Variants in C6 observed in about 807,000 individuals in gnomAD.
C6 encodes complement component C6.
Under a neutral mutation model 112.9 loss-of-function variants are expected in C6, and 101 were observed. The observed-to-expected ratio is 0.89, with a 90% CI of 0.76 to 1.06. The LOEUF is 1.06. C6 is among the 50% of genes least tolerant of loss of function. The probability of loss-of-function intolerance (pLI) is 0.00; values close to 1 mark genes in which losing one functional copy is unlikely to be tolerated. For missense variants in C6, 1,202 were observed against 1,104.6 expected (o/e 1.09, Z -1.25); for synonymous variants, 431 against 384.1 (o/e 1.12, Z -1.43).
At chr5:41,163,834 T>A (rs1747752719) in intron 9 of C6, among the ~76,000 whole-genome samples, 1 of 152,216 alleles carries the variant, frequency 6.6e-6, no homozygotes, top group Non-Finnish European at 1.5e-5. Flanking sequence ...TTGAGAAGTC[T>A]GAAGTCCAAT....
chr5:41,225,264 G>C (rs535605640), intron 1 of C6, among the ~76,000 whole-genome samples: 2 of 151,670 alleles, frequency 1.3e-5, no homozygotes, highest in East Asian at 3.9e-4. Context: ...CCCTTCCTGT[G>C]TCCATGTGTT....
At chr5:41,179,004 C>G (rs1561133897) in intron 7 of C6, among the ~76,000 whole-genome samples, 3 of 152,148 alleles carry the variant, frequency 2.0e-5, no homozygotes, top group South Asian at 2.1e-4. Context: ...CAGGCGCACA[C>G]TGCCACGCCC....
rs1399455008 is a variant in C6 at position 41,241,565 on chromosome 5, C to A, written c.-21+19629G>T. ...GACCACAAGCAGCATGGTTGGAGAA[C>A]AAGAAAGCAGCAATGTTGGAGGAAG... On this transcript the variant is annotated intron_variant, in intron 1 of 17. Transcript: ENST00000263413. Among the ~76,000 whole-genome samples, 2 of 152,050 alleles carry A rather than the reference C, an allele frequency of 1.3e-5. 1 individual carries two copies. The highest frequency in any genetic ancestry group is 3.9e-4 in the East Asian group (2 of 5,176).
At chr5:41,248,247 C>A (rs1741139734) in intron 1 of C6, among the ~76,000 whole-genome samples, 1 of 152,206 alleles carries the variant, frequency 6.6e-6, no homozygotes, top group Admixed American at 6.5e-5. Context: ...AAATACCATT[C>A]TGGACCTCAG....
At chr5:41,158,915 A>G in intron 12 of C6, 130 bp from the exon 13 acceptor site, 8 of 1,061,828 alleles carry the variant, frequency 7.5e-6, no homozygotes, top group Non-Finnish European at 1.2e-5. Flanking sequence ...CATTACACAC[A>G]GAAAAAGGCA....
chr5:41,211,168 A>G (rs1751891171), intron 1 of C6, among the ~76,000 whole-genome samples: 1 of 152,102 alleles, frequency 6.6e-6, no homozygotes, highest in Non-Finnish European at 1.5e-5. Flanking sequence ...GTTCTCACTT[A>G]TAGGTGGGAA....
intron 1 of C6, among the ~76,000 whole-genome samples, chr5:41,238,995 A>G (rs1424852549): frequency 6.6e-6 from 1 of 152,110 alleles, no homozygotes; most frequent in Non-Finnish European, 1.5e-5. Flanking sequence ...TAATGTTTGT[A>G]CATACTTATG....
In C6 at chr5:41,178,442, A is replaced by G. The variant is rs570886721; in HGVS notation, c.928-1727T>C. ...GAAGACTAAGAGAGGCTTCAGTAGT[A>G]TTTTCTTTTTTCTTTTTCTTTTTCT... On this transcript the variant is annotated intron_variant, in intron 7 of 17. Transcript: ENST00000337836. Among the ~76,000 whole-genome samples, 143 of 120,656 alleles carry G rather than the reference A, an allele frequency of 1.2e-3. 1 individual carries two copies. The highest frequency in any genetic ancestry group is 2.1e-3 in the Non-Finnish European group (115 of 54,576). 79.2% of individuals were successfully genotyped at this position (120,656 alleles called of 152,430 possible). A position where few individuals can be genotyped will look rare whatever the true frequency, so the allele number is the denominator to read the frequency against.
intron 6 of C6, among the ~76,000 whole-genome samples, chr5:41,182,661 G>A (rs903575132): frequency 6.6e-6 from 1 of 152,164 alleles, no homozygotes; most frequent in South Asian, 2.1e-4. Context: ...TTTTCAATAA[G>A]GTATAGCTTA....
At chr5:41,155,722 C>T (rs984568660) in intron 13 of C6, among the ~76,000 whole-genome samples, 10 of 151,476 alleles carry the variant, frequency 6.6e-5, no homozygotes, top group African/African-American at 2.4e-4. Flanking sequence ...GAGTGAAATC[C>T]TGTCTCAAAA....
chr5:41,147,249 A>G (rs1745916222), intron 17 of C6, among the ~76,000 whole-genome samples: 2 of 152,134 alleles, frequency 1.3e-5, no homozygotes, highest in Admixed American at 1.3e-4. Context: ...ATCAAGCATC[A>G]AAAAAATGAA....
At chr5:41,260,701 G>C (rs955075817) in intron 1 of C6, among the ~76,000 whole-genome samples, 6 of 151,894 alleles carry the variant, frequency 4.0e-5, no homozygotes, top group African/African-American at 1.5e-4. Flanking sequence ...CTTGAACCTG[G>C]GAGGTGGAGG....
At chr5:41,145,772 G>T (rs947650566) in intron 17 of C6, among the ~76,000 whole-genome samples, 3 of 152,192 alleles carry the variant, frequency 2.0e-5, no homozygotes, top group Non-Finnish European at 4.4e-5. Flanking sequence ...TGATGGAAGG[G>T]ATGGAGTTTG....
At chr5:41,226,525 C>T (rs1408406168) in intron 1 of C6, among the ~76,000 whole-genome samples, 2 of 152,120 alleles carry the variant, frequency 1.3e-5, no homozygotes, top group Non-Finnish European at 2.9e-5. Context: ...CTATAGTCTC[C>T]ATGCTATACA....
intron 1 of C6, among the ~76,000 whole-genome samples, chr5:41,243,533 GT>G (rs1301395681): frequency 2.0e-5 from 3 of 152,038 alleles, no homozygotes; most frequent in Non-Finnish European, 4.4e-5. Flanking sequence ...TTTTTTTAAA[GT>G]TCTTTTTGAT....
rs897606289 is a variant in C6, at chr5:41,195,680, G to A, written c.587+112C>T. On this transcript the variant is annotated intron_variant, in intron 5 of 17. Transcript: ENST00000337836. Reference sequence around the variant, plus strand: ...CTAAGTATCAGAGATAGGGCTGGTAGGAGTAGTAAGAAGTTAATGAGGAAG... The same window carrying A: ...CTAAGTATCAGAGATAGGGCTGGTAAGAGTAGTAAGAAGTTAATGAGGAAG... 5.7e-5 allele frequency: 63 copies of A among 1,102,380 alleles called. No individual in the cohort carries two copies. The African/African-American group carries it at 8.3e-4, about 15-fold the overall frequency. 68.3% of individuals were successfully genotyped at this position (1,102,380 alleles called of 1,614,324 possible).
upstream of C6, among the ~76,000 whole-genome samples, chr5:41,216,920 C>A (rs1752215486): frequency 6.6e-6 from 1 of 152,086 alleles, no homozygotes; most frequent in Non-Finnish European, 1.5e-5. Context: ...GAGTCCCAGT[C>A]CCTAATATTG....
At chr5:41,150,848 C>T (rs1342238754) in intron 15 of C6, among the ~76,000 whole-genome samples, 9 of 140,678 alleles carry the variant, frequency 6.4e-5, no homozygotes, top group African/African-American at 2.2e-4. Context: ...GATTGTGCCA[C>T]TGCACCCAGC....
At chr5:41,215,253 G>C (rs144242163), upstream of C6, among the ~76,000 whole-genome samples, 1 of 152,136 alleles carries the variant, frequency 6.6e-6, no homozygotes, top group East Asian at 1.9e-4. Flanking sequence ...AGCCTGAAAA[G>C]CCTAAAATAT....
Sources: allele counts gnomAD v4.1 joint callset (sites outside exome capture counted in the v4.1 genomes callset), GRCh38; gene constraint gnomAD v4.1.1; transcripts MANE v1.5; gene names NCBI Gene and HGNC (gene_info 2026-07-23, HGNC 2026-07-21).